Variants in SUPT6H observed in about 807,000 individuals in gnomAD.
SUPT6H encodes SPT6 homolog, histone chaperone and transcription elongation factor, also known as transcription elongation factor SPT6.
SUPT6H carries 11 observed loss-of-function variants against 222.3 expected under a neutral mutation model. That is an observed-to-expected ratio of 0.05 (90% CI 0.03 to 0.08). SUPT6H has a LOEUF of 0.08. Among genes scored for constraint, SUPT6H ranks in the 10% least tolerant of loss-of-function variants. The probability of loss-of-function intolerance (pLI) is 1.00; values close to 1 mark genes in which losing one functional copy is unlikely to be tolerated. For missense variants in SUPT6H, 1,422 were observed against 2,216.0 expected (o/e 0.64, Z 7.19); for synonymous variants, 762 against 801.2 (o/e 0.95, Z 0.83).
chr17:28,680,096 G>C (rs2031011347), intron 11 of SUPT6H, among the ~76,000 whole-genome samples: 1 of 151,746 alleles, frequency 6.6e-6, no homozygotes, highest in Non-Finnish European at 1.5e-5. Flanking sequence ...CCTGAGGTCA[G>C]GAGTTCAAGA....
chr17:28,697,078 G>T lies in SUPT6H; in HGVS notation c.4205G>T (p.Ser1402Ile). 1 of 1,613,954 alleles carries T rather than the reference G, an allele frequency of 6.2e-7. No homozygotes were observed. Among genetic ancestry groups the T allele is most frequent in the South Asian group, 1.1e-5 (1 of 91,048 alleles). ...CTGGGAGCCACTCTGTGGATCAACA[G>T]TGAGGTGAGAGCCAGTGCCTGCCCA... Reference protein sequence around the residue: ...FSLGATLWINSEEFEDLDEIV... With the variant: ...FSLGATLWINIEEFEDLDEIV... The change falls in exon 30 of 37, where the codon AGT becomes ATT. Residue 1402 changes from serine to isoleucine, a missense_variant. This residue lies in a region of SUPT6H where 395 missense variants were observed against 580.6 expected (regional missense o/e 0.68). Transcript: ENST00000314616.
chr17:28,695,197 A>G, intron 28 of SUPT6H, 155 bp from the exon 29 acceptor site: 1 of 710,062 alleles, frequency 1.4e-6, no homozygotes, highest in Non-Finnish European at 2.3e-6. Flanking sequence ...TTCCACCCCA[A>G]ACTCCCAGTC....
chr17:28,683,533 G>A, intron 16 of SUPT6H, 88 bp from the exon 17 acceptor site: 3 of 1,581,488 alleles, frequency 1.9e-6, no homozygotes, highest in Non-Finnish European at 2.6e-6. Flanking sequence ...TGAGCAGGCT[G>A]TTGTCTCTGG....
At chr17:28,670,704 T>A (rs2030360302) in intron 1 of SUPT6H, among the ~76,000 whole-genome samples, 1 of 152,008 alleles carries the variant, frequency 6.6e-6, no homozygotes, top group Non-Finnish European at 1.5e-5. Flanking sequence ...CTGACCAACA[T>A]GGAGAAACCC....
intron 1 of SUPT6H, among the ~76,000 whole-genome samples, chr17:28,669,001 C>T (rs2030255821): frequency 6.6e-6 from 1 of 152,142 alleles, no homozygotes; most frequent in Admixed American, 6.5e-5. Flanking sequence ...AGTCACTCCT[C>T]AACTTTTTGG....
chr17:28,688,850 G>T lies in SUPT6H; in HGVS notation c.3135-504G>T, dbSNP rs1312525730. 6.2e-6 allele frequency: 1 copy of T among 161,834 alleles called. No individual in the cohort carries two copies. Among genetic ancestry groups the T allele is most frequent in the African/African-American group, 2.4e-5 (1 of 41,480 alleles). 10.0% of individuals were successfully genotyped at this position (161,834 alleles called of 1,614,324 possible). ...ATAACATAGGTCCATGTGAGTGCAC[G>T]GGCAAGACCAGCCTGGGAAGGCTTT... On this transcript the variant is annotated intron_variant, in intron 24 of 36. Coordinates refer to ENST00000314616, the MANE Select transcript of SUPT6H (RefSeq NM_003170.5). This position sits in a 1 kb window ranked among gnomAD's most constrained non-coding sequence, Gnocchi z 4.3.
At chr17:28,667,542 A>C (rs147420373) in intron 1 of SUPT6H, among the ~76,000 whole-genome samples, 1 of 148,788 alleles carries the variant, frequency 6.7e-6, no homozygotes, top group African/African-American at 2.5e-5. Context: ...TGTTTTATAT[A>C]TATATATGTA....
intron 32 of SUPT6H, among the ~76,000 whole-genome samples, chr17:28,698,738 C>G (rs1476728102): frequency 6.6e-6 from 1 of 152,238 alleles, no homozygotes. Flanking sequence ...TTACCTGATG[C>G]ACAGCTCAGG....
In SUPT6H at chr17:28,674,388, G is replaced by A; in HGVS notation, c.215G>A (p.Gly72Asp). ...DDEDEGEEDEGSDSGDSEDDV... is the reference protein window; with the variant it reads ...DDEDEGEEDEDSDSGDSEDDV... Reference sequence around the variant, plus strand: ...GAAGATGAAGGGGAGGAGGATGAGGGCAGTGACTCTGGTGATTCAGAAGAT... The same window carrying A: ...GAAGATGAAGGGGAGGAGGATGAGGACAGTGACTCTGGTGATTCAGAAGAT... Residue 72 changes from glycine (G) to aspartate (D), a missense_variant, in exon 3 of 37, where the codon GGC becomes GAC. By Grantham distance (94) the Gly-to-Asp change is moderately conservative. This residue lies in a region of SUPT6H where 89 missense variants were observed against 118.9 expected (regional missense o/e 0.75). Coordinates refer to ENST00000314616, the MANE Select transcript of SUPT6H (RefSeq NM_003170.5). 8 of 1,613,832 alleles carry A rather than the reference G, an allele frequency of 5.0e-6. No homozygotes were observed. The highest frequency in any genetic ancestry group is 5.9e-6 in the Non-Finnish European group (7 of 1,179,852).
chr17:28,676,348 A>T lies in SUPT6H; in HGVS notation c.815A>T (p.Tyr272Phe). 3 of 1,613,784 alleles carry T rather than the reference A, an allele frequency of 1.9e-6. No homozygotes were observed. The highest frequency in any genetic ancestry group is 2.5e-6 in the Non-Finnish European group (3 of 1,179,966). The change falls in exon 7 of 37, where the codon TAT becomes TTT. Residue 272 changes from tyrosine (Y) to phenylalanine (F), a missense_variant. Coordinates refer to ENST00000314616, the MANE Select transcript of SUPT6H (RefSeq NM_003170.5). ...AGCCGTAGGAGCATCTTTGAAATGT[A>T]TGAGCCCAGTGAGCTAGAAAGCAGC... ...RVSRRSIFEM[Y>F]EPSELESSHL...
intron 12 of SUPT6H, 93 bp downstream of exon 12, chr17:28,681,497 G>C (rs754565974): frequency 4.8e-5 from 69 of 1,439,630 alleles, no homozygotes; most frequent in Admixed American, 1.0e-4. Context: ...TAAGGTGGGT[G>C]GATCACCTGA....
At position 28,674,304 on chromosome 17, in the gene SUPT6H, A is replaced by T. The variant is rs1254852816; in HGVS notation, c.131A>T (p.Asn44Ile). 6.2e-7 allele frequency: 1 copy of T among 1,613,978 alleles called. No individual in the cohort carries two copies. Among genetic ancestry groups the T allele is most frequent in the Non-Finnish European group, 8.5e-7 (1 of 1,179,982 alleles). The change falls in exon 3 of 37, where the codon AAC becomes ATC. Residue 44 changes from asparagine to isoleucine, a missense_variant. Transcript: ENST00000314616. ...EDDDEEEEEE[N>I]LDDQDEQGNL... ...CCAGATGAGGAGGAGGAGGAGGAGA[A>T]CCTAGATGATCAGGATGAGCAAGGC...
intron 1 of SUPT6H, among the ~76,000 whole-genome samples, chr17:28,666,320 T>C (rs557309369): frequency 2.0e-5 from 3 of 152,366 alleles, no homozygotes; most frequent in African/African-American, 2.4e-5. Context: ...TTACATGTTA[T>C]GTATGCTGTG....
chr17:28,678,402 C>T, intron 9 of SUPT6H, 143 bp from the exon 10 acceptor site: 2 of 898,222 alleles, frequency 2.2e-6, no homozygotes, highest in Non-Finnish European at 3.5e-6. Context: ...AAGCACCAGG[C>T]CCTGGAAGGG....
chr17:28,674,154 G>A, intron 2 of SUPT6H, 129 bp from the exon 3 acceptor site: 1 of 1,099,190 alleles, frequency 9.1e-7, no homozygotes, highest in Non-Finnish European at 1.3e-6. Context: ...ATCTTTACAT[G>A]AGGCAGAAGA....
At chr17:28,694,650 G>C (rs1372239579) in intron 28 of SUPT6H, among the ~76,000 whole-genome samples, 3 of 152,154 alleles carry the variant, frequency 2.0e-5, no homozygotes, top group Non-Finnish European at 4.4e-5. Context: ...TTAGACAGAA[G>C]GGCTCATATC....
chr17:28,695,630 G>T, intron 29 of SUPT6H, 83 bp downstream of exon 29: 1 of 1,452,118 alleles, frequency 6.9e-7, no homozygotes, highest in South Asian at 1.3e-5. Flanking sequence ...GGATGCACAT[G>T]TGTCAGTCTC....
Position 28,689,393 on chromosome 17 carries a change from C to T in SUPT6H, c.3174C>T (p.Val1058=), listed in dbSNP as rs1275893172. The T allele has an allele frequency of 3.1e-6, 5 of 1,614,106 alleles. No individual in the cohort carries two copies. The highest frequency in any genetic ancestry group is 4.2e-6 in the Non-Finnish European group (5 of 1,180,054). ...SYIEVLDGSR[V]HPETYEWARK... is the part of the protein sequence containing the mutation. ...TTGAAGTCCTTGATGGTTCCCGTGT[C>T]CACCCTGAGACTTATGAGTGGGCTA... The change falls in exon 25 of 37, where the codon GTC becomes GTT. Residue 1058 remains valine, a synonymous_variant. Coordinates refer to ENST00000314616, the MANE Select transcript of SUPT6H (RefSeq NM_003170.5).
In SUPT6H at chr17:28,686,654, G is replaced by A. The variant is rs759247765; in HGVS notation, c.2565G>A (p.Arg855=). 4 of 1,590,346 alleles carry A rather than the reference G, an allele frequency of 2.5e-6. No homozygotes were observed. Among genetic ancestry groups the A allele is most frequent in the African/African-American group, 1.4e-5 (1 of 73,880 alleles). ...CATTGACCAACACTCATCCCACCAG[G>A]GACGCCCAGATGTTGATTGAAGATG... ...PHVVTVAGEN[R]DAQMLIEDVK... Residue 855 remains arginine (R), a splice_region_variant and synonymous_variant, in exon 21 of 37, where the codon AGG becomes AGA. Coordinates refer to ENST00000314616, the MANE Select transcript of SUPT6H (RefSeq NM_003170.5).
Sources: allele counts gnomAD v4.1 joint callset (sites outside exome capture counted in the v4.1 genomes callset), GRCh38; gene constraint gnomAD v4.1.1; regional missense constraint gnomAD v4.1.1; non-coding constraint Gnocchi (gnomAD v3.1); transcripts MANE v1.5; gene names NCBI Gene and HGNC (gene_info 2026-07-23, HGNC 2026-07-21).